Variants in OTOGL observed in about 807,000 individuals in gnomAD.
OTOGL encodes the protein otogelin-like protein.
OTOGL carries 285 observed loss-of-function variants against 318.5 expected under a neutral mutation model. The observed-to-expected ratio is 0.89, with a 90% CI of 0.81 to 0.99. OTOGL has a LOEUF of 0.99. Among genes scored for constraint, OTOGL ranks in the 50% least tolerant of loss-of-function variants. The pLI is 0.00. For missense variants in OTOGL, 2,899 were observed against 2,845.6 expected, an observed-to-expected ratio of 1.02 and a Z score of -0.43; for synonymous variants, 987 against 936.5, an observed-to-expected ratio of 1.05 and a Z score of -0.99.
intron 1 of OTOGL, chr12:80,208,178 CATGGAATTAGCTATTATTTCGGCA>C: frequency 1.9e-6 from 1 of 515,420 alleles, no homozygotes; most frequent in South Asian, 1.4e-5. Flanking sequence ...TCTGTTGGCT[CATGGAATTAGCTATTATTTCGGCA>C]ATGGAAAGGA....
rs200247183 is a variant in OTOGL, at chr12:80,377,829, T to A, written c.6862-19T>A. On this transcript the variant is annotated intron_variant, in intron 58 of 58. Coordinates refer to ENST00000547103, the MANE Select transcript of OTOGL (RefSeq NM_001378609.3). ...TTTTAAAAGTTTAAGACTTTTTTTC[T>A]CATTGTCACTTCTTACAGATAAATG... 581 of 1,572,248 alleles carry A rather than the reference T, an allele frequency of 3.7e-4. 4 individuals carry two copies. The highest frequency in any genetic ancestry group is 6.3e-5 in the Non-Finnish European group (73 of 1,149,878).
Position 80,264,993 on chromosome 12 carries a change from T to C in OTOGL, c.2015-8T>C. 1 of 1,613,566 alleles carries C rather than the reference T, an allele frequency of 6.2e-7. No individual in the cohort carries two copies. ...GTTAAATAAGATGCTAATTGGGCTCTTTGTTAGTTGGGTATGCAGCACACT... is the reference window on the plus strand; with the variant it reads ...GTTAAATAAGATGCTAATTGGGCTCCTTGTTAGTTGGGTATGCAGCACACT... On this transcript the variant is annotated splice_polypyrimidine_tract_variant and splice_region_variant and intron_variant, in intron 19 of 58. Transcript: ENST00000547103.
At chr12:80,118,827 A>G (rs1870317824) in intron 1 of OTOGL, among the ~76,000 whole-genome samples, 1 of 152,130 alleles carries the variant, frequency 6.6e-6, no homozygotes, top group Non-Finnish European at 1.5e-5. Context: ...GAGAGGTCCT[A>G]AAACTCTTGT....
chr12:80,358,907 AC>A lies in OTOGL; in HGVS notation c.6267+8del, dbSNP rs1566013341. ...TATGCCAACTTGTGAAGTGGTAAGAACACATATTTTGATTGACTTGTCATAT... is the reference window on the plus strand; with the variant it reads ...TATGCCAACTTGTGAAGTGGTAAGAAACATATTTTGATTGACTTGTCATAT... On this transcript the variant is annotated splice_region_variant and intron_variant, in intron 52 of 58. Coordinates refer to ENST00000547103, the MANE Select transcript of OTOGL (RefSeq NM_001378609.3). 6.8e-7 allele frequency: 1 copy of A among 1,478,324 alleles called. No individual in the cohort carries two copies. The allele number at this position is 1,478,324 out of a possible 1,614,324, so 91.6% of individuals were successfully genotyped here. A position where few individuals can be genotyped will look rare whatever the true frequency, so the allele number is the denominator to read the frequency against.
intron 26 of OTOGL, among the ~76,000 whole-genome samples, chr12:80,281,906 T>A (rs1884262465): frequency 6.6e-6 from 1 of 151,868 alleles, no homozygotes; most frequent in South Asian, 2.1e-4. Context: ...TAACTTGGTT[T>A]GGTGAATATA....
At chr12:80,202,016 G>C (rs527802421) in intron 1 of OTOGL, among the ~76,000 whole-genome samples, 1 of 152,208 alleles carries the variant, frequency 6.6e-6, no homozygotes, top group African/African-American at 2.4e-5. Flanking sequence ...GTGCCAAAAA[G>C]AGCCTGACAG....
At chr12:80,280,694 T>G (rs878990013) in intron 26 of OTOGL, among the ~76,000 whole-genome samples, 1 of 151,944 alleles carries the variant, frequency 6.6e-6, no homozygotes, top group Admixed American at 6.6e-5. Context: ...TGTTGTAGTC[T>G]TGTAGTATAG....
chr12:80,310,066 G>A (rs973032982), intron 29 of OTOGL, among the ~76,000 whole-genome samples: 4 of 152,168 alleles, frequency 2.6e-5, no homozygotes, highest in African/African-American at 9.6e-5. Context: ...ATTTAAGAAG[G>A]GTAAAGTATT....
chr12:80,113,946 T>C (rs190639637), intron 1 of OTOGL, among the ~76,000 whole-genome samples: 4 of 152,306 alleles, frequency 2.6e-5, no homozygotes, highest in Admixed American at 2.6e-4. Context: ...ACCTGCTTTT[T>C]TTTTCCTTTC....
chr12:80,104,542 T>C (rs1228640011), intron 1 of OTOGL, among the ~76,000 whole-genome samples: 1 of 152,106 alleles, frequency 6.6e-6, no homozygotes, highest in Non-Finnish European at 1.5e-5. Context: ...ATTGAGTGGA[T>C]ACAGTGCCTT....
intron 1 of OTOGL, among the ~76,000 whole-genome samples, chr12:80,147,573 G>T (rs1872477602): frequency 6.6e-6 from 1 of 151,916 alleles, no homozygotes; most frequent in Non-Finnish European, 1.5e-5. Context: ...TATTAGGTCT[G>T]CTTGGTGCAG....
chr12:80,235,010 G>T (rs576165313), intron 9 of OTOGL, among the ~76,000 whole-genome samples: 2 of 152,248 alleles, frequency 1.3e-5, no homozygotes, highest in African/African-American at 4.8e-5. Flanking sequence ...AATGAGAGGG[G>T]TCACAAATCT....
intron 1 of OTOGL, among the ~76,000 whole-genome samples, chr12:80,151,077 C>T (rs913003259): frequency 1.3e-5 from 2 of 152,090 alleles, no homozygotes; most frequent in Non-Finnish European, 2.9e-5. Flanking sequence ...AAAATGTCAG[C>T]TTATGGATGG....
rs1311862465 is a variant in OTOGL at position 80,328,720 on chromosome 12, C to T, written c.4255C>T (p.Leu1419Phe). The change falls in exon 36 of 59, where the codon CTC (leucine) becomes TTC (phenylalanine). Residue 1419 changes from leucine (L) to phenylalanine (F), a missense_variant. Around this residue, in one of 3 missense-constraint regions of OTOGL, gnomAD observed 2,607 missense variants for 2,524.9 expected, o/e 1.03. Coordinates refer to ENST00000547103, the MANE Select transcript of OTOGL (RefSeq NM_001378609.3). Reference protein sequence around the residue: ...PKNMILDEVTLKCVYPRDCIP... With the variant: ...PKNMILDEVTFKCVYPRDCIP... ...AAATATGATCCTTGATGAGGTCACCCTCAAGTGTGTTTATCCACGAGACTG... is the reference window on the plus strand; with the variant it reads ...AAATATGATCCTTGATGAGGTCACCTTCAAGTGTGTTTATCCACGAGACTG... 5.0e-6 allele frequency: 8 copies of T among 1,604,902 alleles called. No individual in the cohort carries two copies. The highest frequency in any genetic ancestry group is 6.8e-6 in the Non-Finnish European group (8 of 1,171,810).
chr12:80,303,178 C>T (rs994368176), intron 28 of OTOGL, among the ~76,000 whole-genome samples: 14 of 151,742 alleles, frequency 9.2e-5, no homozygotes, highest in South Asian at 4.1e-4. Context: ...TTTTTTGAGA[C>T]GGAGTCTGGC....
At position 80,111,856 on chromosome 12, in the gene OTOGL, A is replaced by G. The variant is rs146928856; in HGVS notation, c.-20+12251A>G. ...TCTGGGCAGTATGGCCATTTTCACT[A>G]TATTGATTCTTTCTATCCATGAGCA... On this transcript the variant is annotated intron_variant, in intron 1 of 58. Transcript: ENST00000547103. 4.1e-3 allele frequency among the ~76,000 whole-genome samples: 629 copies of G among 152,240 alleles called. 2 individuals are homozygous for G. The highest frequency in any genetic ancestry group is 0.014 in the Middle Eastern group (4 of 294).
chr12:80,235,935 T>C (rs1014614305), intron 9 of OTOGL, among the ~76,000 whole-genome samples: 1 of 152,182 alleles, frequency 6.6e-6, no homozygotes, highest in African/African-American at 2.4e-5. Context: ...CAAGAAAATG[T>C]CTATAGATGA....
In OTOGL at chr12:80,233,700, C is replaced by A. The variant is rs74358626; in HGVS notation, c.817+603C>A. ...TTGTATCAATTCAGATACTAGTGTGCAATGGTGATAGAATAAGAGAATCAC... is the reference window on the plus strand; with the variant it reads ...TTGTATCAATTCAGATACTAGTGTGAAATGGTGATAGAATAAGAGAATCAC... On this transcript the variant is annotated intron_variant, in intron 9 of 58. Transcript: ENST00000547103. Among the ~76,000 whole-genome samples the A allele has an allele frequency of 2.8e-4, 42 of 152,134 alleles. 1 individual carries two copies. The East Asian group carries it at 5.6e-3, about 20-fold the overall frequency.
chr12:80,217,575 AT>A lies in OTOGL; in HGVS notation c.169-21del, dbSNP rs1318013335. 4 of 1,458,066 alleles carry A rather than the reference AT, an allele frequency of 2.7e-6. No homozygotes were observed. In the African/African-American group the frequency reaches 5.6e-5, roughly 20 times the overall value. The allele number at this position is 1,458,066 out of a possible 1,614,324, so 90.3% of individuals were successfully genotyped here. ...GAATTAAATAATTTAACTGTATTGC[AT>A]TCTCATTTCTTTCTTTCAAAGTTTG... is the stretch of plus-strand genomic sequence containing the variant. On this transcript the variant is annotated intron_variant, in intron 4 of 58. Transcript: ENST00000547103.
Sources: gnomAD v4.1 joint callset for allele counts (sites outside exome capture counted in the v4.1 genomes callset) on GRCh38, gnomAD v4.1.1 for gene constraint, gnomAD v4.1.1 regional missense constraint, MANE v1.5 for transcripts, NCBI Gene and HGNC (gene_info 2026-07-23, HGNC 2026-07-21) for gene names.